SMG5: variants seen among roughly 807,000 people sequenced by gnomAD.
SMG5 encodes nonsense-mediated mRNA decay factor SMG5.
In SMG5, 53 loss-of-function variants were observed where a neutral mutation model predicts 122.9. That is an observed-to-expected ratio of 0.43 (90% confidence interval 0.35 to 0.54). SMG5 has a LOEUF of 0.54. SMG5 is among the 20% of genes least tolerant of loss of function. The pLI, the probability that SMG5 is intolerant of heterozygous loss-of-function variation, is 0.01. For synonymous variants in SMG5, 477 were observed against 490.2 expected (o/e 0.97, Z 0.35); for missense variants, 1,153 against 1,285.6 (o/e 0.90, Z 1.58).
In SMG5 at chr1:156,260,377, C is replaced by T. The variant is rs1310726462; in HGVS notation, c.2283+74G>A. 3.9e-6 allele frequency: 6 copies of T among 1,532,706 alleles called. No homozygotes were observed. In the East Asian group the frequency reaches 1.2e-4, roughly 31 times the overall value. The allele number at this position is 1,532,706 out of a possible 1,614,324, so 94.9% of individuals were successfully genotyped here. On this transcript the variant is annotated intron_variant, in intron 15 of 21. Transcript: ENST00000361813. Reference sequence around the variant, plus strand: ...GAAGAGGGCATCCTGCCCCCTCCCTCCCCAGATCTGAACCCATTTGCTGCT... The same window carrying T: ...GAAGAGGGCATCCTGCCCCCTCCCTTCCCAGATCTGAACCCATTTGCTGCT...
intron 7 of SMG5, among the ~76,000 whole-genome samples, chr1:156,268,968 C>T (rs969907947): frequency 6.9e-6 from 1 of 145,700 alleles, no homozygotes; most frequent in African/African-American, 2.5e-5. Flanking sequence ...GTCCCCAATC[C>T]AACTCTTTTT....
At chr1:156,285,633 G>A, upstream of SMG5, 1 of 1,614,098 alleles carries the variant, frequency 6.2e-7, no homozygotes, top group Non-Finnish European at 8.5e-7. Flanking sequence ...GACCTACAGT[G>A]CATTGAGCGG....
In SMG5 at chr1:156,272,371, A is replaced by G. The variant is rs1190200190; in HGVS notation, c.662T>C (p.Leu221Pro). Residue 221 changes from leucine (L) to proline (P), a missense_variant, in exon 7 of 22, where the codon CTG (leucine) becomes CCG (proline). Leu to Pro is a moderately conservative substitution (Grantham distance 98). Transcript: ENST00000361813. ...IGMPFNQLGT[L>P]AGSKYYNVEA... Reference sequence around the variant, plus strand: ...CACATTATAGTACTTGCTGCCTGCCAGGGTGCCCAGCTGATTGAAGGGCAT... The same window carrying G: ...CACATTATAGTACTTGCTGCCTGCCGGGGTGCCCAGCTGATTGAAGGGCAT... The G allele has an allele frequency of 6.2e-7, 1 of 1,602,662 alleles. No homozygotes were observed. Among genetic ancestry groups the G allele is most frequent in the South Asian group, 1.1e-5 (1 of 89,316 alleles).
chr1:156,253,374 G>C (rs1291104761), intron 17 of SMG5, 75 bp downstream of exon 17: 1 of 1,463,244 alleles, frequency 6.8e-7, no homozygotes, highest in African/African-American at 1.4e-5. Flanking sequence ...ACAGCGGAAG[G>C]GGGAGACCTG....
Position 156,265,763 on chromosome 1 carries a change from A to C in SMG5, c.1855+18T>G. The stretch of plus-strand genomic sequence containing the variant: ...TGGAGGTGCGGACCAGAACAGGATG[A>C]TGAAGTGGTCCAAATACCTGGCTCT... On this transcript the variant is annotated intron_variant, in intron 12 of 21. Coordinates refer to ENST00000361813, the MANE Select transcript of SMG5 (RefSeq NM_015327.3). 1 of 1,608,256 alleles carries C rather than the reference A, an allele frequency of 6.2e-7. No individual in the cohort carries two copies. The highest frequency in any genetic ancestry group is 8.5e-7 in the Non-Finnish European group (1 of 1,176,722).
chr1:156,278,809 C>T lies in SMG5; in HGVS notation c.173+127G>A. 4 of 739,110 alleles carry T rather than the reference C, an allele frequency of 5.4e-6. No individual in the cohort carries two copies. In the Admixed American group the frequency reaches 9.5e-5, roughly 18 times the overall value. 45.8% of individuals were successfully genotyped at this position (739,110 alleles called of 1,614,324 possible). On this transcript the variant is annotated intron_variant, in intron 2 of 21. Coordinates refer to ENST00000361813, the MANE Select transcript of SMG5 (RefSeq NM_015327.3). ...CCTCTCTTAGGAAGGCCAGAGATTT[C>T]AGAGACCATTAAGGTACCATGAGGT...
At chr1:156,258,881 C>T in intron 16 of SMG5, 124 bp downstream of exon 16, 2 of 1,223,244 alleles carry the variant, frequency 1.6e-6, no homozygotes, top group Admixed American at 2.9e-5. Context: ...CTCCCCTCCC[C>T]TCTCCCTAGG....
chr1:156,260,118 G>C (rs749561370), intron 15 of SMG5, among the ~76,000 whole-genome samples: 3 of 152,146 alleles, frequency 2.0e-5, no homozygotes, highest in Admixed American at 6.5e-5. Context: ...CTCGGAGCAG[G>C]CTGGGCCCAG....
Position 156,260,562 on chromosome 1 carries a change from A to G in SMG5, c.2172T>C (p.Ser724=). The change falls in exon 15 of 22, where the codon TCT becomes TCC. Residue 724 remains serine (S), a synonymous_variant. Transcript: ENST00000361813. ...LEGCELPDLP[S]SLLLPEDMAL... ...CCATGTCCTCTGGGAGCAGAAGGCT[A>G]GAGGGGAGGTCAGGCAGTTCACAAC... 1 of 1,554,484 alleles carries G rather than the reference A, an allele frequency of 6.4e-7. No homozygotes were observed. The highest frequency in any genetic ancestry group is 1.4e-5 in the African/African-American group (1 of 70,742).
intron 4 of SMG5, among the ~76,000 whole-genome samples, chr1:156,275,089 G>A (rs1193580431): frequency 7.2e-6 from 1 of 138,900 alleles, no homozygotes; most frequent in Non-Finnish European, 1.6e-5. Flanking sequence ...GGTAAATATG[G>A]GAAACTAATT....
intron 16 of SMG5, 174 bp from the exon 17 acceptor site, chr1:156,253,682 G>A: frequency 1.5e-6 from 1 of 652,680 alleles, no homozygotes; most frequent in Non-Finnish European, 2.8e-6. Context: ...TTCTTCCACT[G>A]CACTCTGAAC....
Position 156,249,636 on chromosome 1 carries a change from C to A in SMG5, c.*951G>T. The A allele has an allele frequency of 4.8e-6, 2 of 418,224 alleles. No individual in the cohort carries two copies. The highest frequency in any genetic ancestry group is 9.9e-6 in the Non-Finnish European group (2 of 201,812). The allele number at this position is 418,224 out of a possible 1,614,324, so 25.9% of individuals were successfully genotyped here. ...CGGAAGGCAAAAGGAGGGACGGGGGCCTCTGACTGAGCAGCTTCAAGGAGC... is the reference window on the plus strand; with the variant it reads ...CGGAAGGCAAAAGGAGGGACGGGGGACTCTGACTGAGCAGCTTCAAGGAGC... On this transcript the variant is annotated 3_prime_UTR_variant, in exon 22 of 22. Transcript: ENST00000361813.
chr1:156,256,208 T>A (rs987947248), intron 16 of SMG5, among the ~76,000 whole-genome samples: 1 of 151,870 alleles, frequency 6.6e-6, no homozygotes, highest in Non-Finnish European at 1.5e-5. Context: ...CAACAAAGAA[T>A]TGTCCTGCCC....
Position 156,272,817 on chromosome 1 carries a change from G to A in SMG5, c.635-419C>T, listed in dbSNP as rs1662495781. Among the ~76,000 whole-genome samples the A allele has an allele frequency of 4.6e-5, 7 of 152,168 alleles. No homozygotes were observed. The South Asian group carries it at 1.5e-3, about 32-fold the overall frequency. ...CTGACGTCGTGATCTGCCCGCCTCA[G>A]CCTCCCAAAGTGCTGGGATTACAAA... On this transcript the variant is annotated intron_variant, in intron 6 of 21. Coordinates refer to ENST00000361813, the MANE Select transcript of SMG5 (RefSeq NM_015327.3).
In SMG5 at chr1:156,266,127, A is replaced by C; in HGVS notation, c.1509T>G (p.Gly503=). 6.2e-7 allele frequency: 1 copy of C among 1,613,946 alleles called. No homozygotes were observed. The highest frequency in any genetic ancestry group is 8.5e-7 in the Non-Finnish European group (1 of 1,179,992). Residue 503 remains glycine (G), a synonymous_variant, in exon 12 of 22, where the codon GGT becomes GGG. Transcript: ENST00000361813. ...SDSGSDKSLE[G]GGTAFDAETD... ...TTTCAGCATCAAAGGCCGTTCCCCCACCTTCAAGACTCTTGTCAGAGCCAC... is the reference window on the plus strand; with the variant it reads ...TTTCAGCATCAAAGGCCGTTCCCCCCCCTTCAAGACTCTTGTCAGAGCCAC...
Position 156,266,115 on chromosome 1 carries a change from G to C in SMG5, c.1521C>G (p.Ala507=), listed in dbSNP as rs1183272971. ...SDKSLEGGGT[A]FDAETDSEMN... ...TTTCCGAGTCTGTTTCAGCATCAAA[G>C]GCCGTTCCCCCACCTTCAAGACTCT... is the stretch of plus-strand genomic sequence containing the variant. Residue 507 remains alanine (A), a synonymous_variant, in exon 12 of 22, where the codon GCC becomes GCG. Transcript: ENST00000361813. The C allele has an allele frequency of 5.0e-6, 8 of 1,614,066 alleles. No homozygotes were observed. Among genetic ancestry groups the C allele is most frequent in the Non-Finnish European group, 6.8e-6 (8 of 1,180,048 alleles).
chr1:156,291,449 T>C, the SMG5 span: 2 of 1,613,852 alleles, frequency 1.2e-6, no homozygotes, highest in Non-Finnish European at 1.7e-6. Flanking sequence ...CGGCCTGACG[T>C]TTCTGCCACT....
chr1:156,282,419 C>G (rs1056687280), intron 1 of SMG5, among the ~76,000 whole-genome samples, 188 bp downstream of exon 1: 1 of 152,220 alleles, frequency 6.6e-6, no homozygotes, highest in Non-Finnish European at 1.5e-5. Context: ...AAACCTCCCA[C>G]CTACCCAATT....
Position 156,265,921 on chromosome 1 carries a change from G to T in SMG5, c.1715C>A (p.Thr572Asn). 1 of 1,614,222 alleles carries T rather than the reference G, an allele frequency of 6.2e-7. No individual in the cohort carries two copies. Among genetic ancestry groups the T allele is most frequent in the South Asian group, 1.1e-5 (1 of 91,088 alleles). ...GCAGCGCTTAGTCTGGAACATCTGG[G>T]TGGACATGGCTTGTAGATTGCTGGC... The part of the protein sequence containing the change: ...SIASNLQAMS[T>N]QMFQTKRCFR... Residue 572 changes from threonine to asparagine, a missense_variant, in exon 12 of 22, where the codon ACC becomes AAC. This residue lies in a region of SMG5 where 631 missense variants were observed against 650.6 expected (regional missense o/e 0.97). Coordinates refer to ENST00000361813, the MANE Select transcript of SMG5 (RefSeq NM_015327.3).
Sources: gnomAD v4.1 joint callset for allele counts (sites outside exome capture counted in the v4.1 genomes callset) on GRCh38, gnomAD v4.1.1 for gene constraint, gnomAD v4.1.1 regional missense constraint, MANE v1.5 for transcripts, NCBI Gene and HGNC (gene_info 2026-07-23, HGNC 2026-07-21) for gene names.